The following CNTNAP2 variants were observed in gnomAD, a reference collection of about 807,000 sequenced individuals.
CNTNAP2 encodes the protein contactin associated protein 2, also known as contactin-associated protein-like 2.
In CNTNAP2, 98 loss-of-function variants were observed where a neutral mutation model predicts 155.2. The observed-to-expected ratio is 0.63, with a 90% CI of 0.54 to 0.75. CNTNAP2 has a LOEUF of 0.75. Among genes scored for constraint, CNTNAP2 ranks in the 30% least tolerant of loss-of-function variants. The pLI is 0.00. For synonymous variants in CNTNAP2, 651 were observed against 631.2 expected (o/e 1.03, Z -0.47); for missense variants, 1,727 against 1,688.1 (o/e 1.02, Z -0.40).
chr7:147,370,301 G>C (rs1263011377), intron 9 of CNTNAP2, among the ~76,000 whole-genome samples: 1 of 152,172 alleles, frequency 6.6e-6, no homozygotes, highest in African/African-American at 2.4e-5. Flanking sequence ...TAAATTCTTA[G>C]TCATCTTTTA....
intron 1 of CNTNAP2, among the ~76,000 whole-genome samples, chr7:146,460,498 C>T (rs77686050): frequency 0.022 from 3,386 of 152,096 alleles, 47 homozygotes; most frequent in Non-Finnish European, 0.036. Flanking sequence ...AAGCACTGTT[C>T]GCAATAGCCA....
chr7:147,266,455 C>T (rs970462520), intron 8 of CNTNAP2, among the ~76,000 whole-genome samples: 1 of 152,158 alleles, frequency 6.6e-6, no homozygotes, highest in Non-Finnish European at 1.5e-5. Flanking sequence ...GGCAGGTGGA[C>T]CAGCATTGGG....
chr7:146,287,299 A>C (rs556835339), intron 1 of CNTNAP2, among the ~76,000 whole-genome samples: 42 of 151,936 alleles, frequency 2.8e-4, no homozygotes, highest in Middle Eastern at 6.8e-3. Flanking sequence ...TTACACTGGA[A>C]ATATCTCTTC....
Position 148,140,838 on chromosome 7 carries a change from C to T in CNTNAP2, c.2555-6653C>T, listed in dbSNP as rs187563737. 3.9e-5 allele frequency among the ~76,000 whole-genome samples: 6 copies of T among 152,330 alleles called. No homozygotes were observed. The East Asian group carries it at 1.2e-3, about 29-fold the overall frequency. On this transcript the variant is annotated intron_variant, in intron 16 of 23. Transcript: ENST00000361727. ...AAGACATGCTTACCAGGCAGGACAT[C>T]CCAAGGGCTTAGATATTACCTTCCC... is the stretch of plus-strand genomic sequence containing the variant.
At chr7:147,602,718 C>T (rs1382769808) in intron 12 of CNTNAP2, among the ~76,000 whole-genome samples, 1 of 151,842 alleles carries the variant, frequency 6.6e-6, no homozygotes, top group East Asian at 2.0e-4. Flanking sequence ...CAATTCCCAC[C>T]TATGAGTGAG....
intron 9 of CNTNAP2, among the ~76,000 whole-genome samples, chr7:147,302,894 C>T (rs1482732986): frequency 6.6e-6 from 1 of 152,216 alleles, no homozygotes; most frequent in Non-Finnish European, 1.5e-5. Flanking sequence ...CAAGAAAGCA[C>T]AGCACTGTTC....
chr7:147,485,477 G>T (rs1367364993), intron 10 of CNTNAP2, among the ~76,000 whole-genome samples: 1 of 152,058 alleles, frequency 6.6e-6, no homozygotes, highest in Non-Finnish European at 1.5e-5. Flanking sequence ...TTTCATTGCT[G>T]TTATCATGAC....
At chr7:146,961,514 T>C (rs1356228345) in intron 3 of CNTNAP2, among the ~76,000 whole-genome samples, 1 of 152,212 alleles carries the variant, frequency 6.6e-6, no homozygotes. Flanking sequence ...AGGGTAACTT[T>C]CTTTCATTTT....
chr7:146,758,210 T>C (rs1585076439), intron 1 of CNTNAP2, among the ~76,000 whole-genome samples: 1 of 152,186 alleles, frequency 6.6e-6, no homozygotes, highest in Admixed American at 6.5e-5. Flanking sequence ...CAAACTGACT[T>C]TTTGTAGCCT....
intron 1 of CNTNAP2, among the ~76,000 whole-genome samples, chr7:146,141,927 A>G (rs1797886776): frequency 6.6e-6 from 1 of 152,160 alleles, no homozygotes; most frequent in African/African-American, 2.4e-5. Context: ...ATAGTCCACC[A>G]GGAAAGATGA....
chr7:147,874,110 C>T (rs115981836), intron 13 of CNTNAP2, among the ~76,000 whole-genome samples: 3,102 of 152,264 alleles, frequency 0.02, 109 homozygotes, highest in African/African-American at 0.07. Flanking sequence ...TGGCGTTGAA[C>T]GTCTACAGCA....
chr7:148,254,572 C>T (rs766793942), intron 20 of CNTNAP2, among the ~76,000 whole-genome samples: 8 of 151,976 alleles, frequency 5.3e-5, no homozygotes, highest in African/African-American at 7.3e-5. Flanking sequence ...GTCAGGAGAT[C>T]GAGACCATCC....
chr7:146,306,040 C>T (rs140191175), intron 1 of CNTNAP2, among the ~76,000 whole-genome samples: 4,442 of 151,946 alleles, frequency 0.029, 100 homozygotes, highest in African/African-American at 0.061. Flanking sequence ...ATCAAATAGA[C>T]GCAATAAAAA....
intron 21 of CNTNAP2, among the ~76,000 whole-genome samples, chr7:148,337,644 A>G (rs957414891): frequency 3.3e-5 from 5 of 152,114 alleles, no homozygotes; most frequent in African/African-American, 1.2e-4. Flanking sequence ...GCTACTTCTA[A>G]CCTCTTGCAC....
intron 1 of CNTNAP2, among the ~76,000 whole-genome samples, chr7:146,420,645 G>T (rs1425564676): frequency 1.3e-5 from 2 of 152,070 alleles, no homozygotes; most frequent in African/African-American, 2.4e-5. Flanking sequence ...AACAGTCCTT[G>T]TAGGTGGGTG....
chr7:146,850,762 A>C (rs73740886), intron 3 of CNTNAP2, among the ~76,000 whole-genome samples: 2,258 of 152,174 alleles, frequency 0.015, 53 homozygotes, highest in African/African-American at 0.052. Flanking sequence ...TAAGGAACAT[A>C]CCCGCAAAAT....
chr7:146,212,445 T>C (rs140848118), intron 1 of CNTNAP2, among the ~76,000 whole-genome samples: 2 of 152,130 alleles, frequency 1.3e-5, no homozygotes, highest in Non-Finnish European at 2.9e-5. Context: ...TCAGCCCAGG[T>C]ATGTACCCTA....
intron 8 of CNTNAP2, among the ~76,000 whole-genome samples, chr7:147,166,167 G>T (rs1802109128): frequency 6.6e-6 from 1 of 151,960 alleles, no homozygotes; most frequent in Non-Finnish European, 1.5e-5. Flanking sequence ...AAGAAATTAT[G>T]AGATAGATAG....
chr7:146,267,392 A>G (rs1800012408), intron 1 of CNTNAP2, among the ~76,000 whole-genome samples: 1 of 152,174 alleles, frequency 6.6e-6, no homozygotes, highest in Non-Finnish European at 1.5e-5. Flanking sequence ...TGTAATTAGA[A>G]CTGCTATAGG....
Sources: gnomAD v4.1 joint callset for allele counts (sites outside exome capture counted in the v4.1 genomes callset) on GRCh38, gnomAD v4.1.1 for gene constraint, MANE v1.5 for transcripts, NCBI Gene and HGNC (gene_info 2026-07-23, HGNC 2026-07-21) for gene names.